The following ARID2 variants were observed in gnomAD, a reference collection of about 807,000 sequenced individuals.
ARID2 encodes AT-rich interaction domain 2, also known as AT-rich interactive domain-containing protein 2.
A neutral mutation model predicts 184.6 loss-of-function variants in ARID2; 32 were observed. The ratio of observed to expected loss-of-function variants is 0.17; its 90% CI spans 0.13 to 0.23. ARID2 has a LOEUF of 0.23. Among genes scored for constraint, ARID2 ranks in the 10% least tolerant of loss-of-function variants. The pLI is 1.00. For missense variants in ARID2, 1,696 were observed against 2,197.6 expected (o/e 0.77, Z 4.56); for synonymous variants, 836 against 772.6 (o/e 1.08, Z -1.36).
rs185701114 is a variant in ARID2, at chr12:45,793,509, A to C, written c.285-17909A>C. On this transcript the variant is annotated intron_variant, in intron 3 of 20. Coordinates refer to ENST00000334344, the MANE Select transcript of ARID2 (RefSeq NM_152641.4). ...TTGAAAGACCTAATTGAAAGACCTTAGAGTACTTTATATATATAACTGCCT... is the reference window on the plus strand; with the variant it reads ...TTGAAAGACCTAATTGAAAGACCTTCGAGTACTTTATATATATAACTGCCT... 1.3e-3 allele frequency among the ~76,000 whole-genome samples: 197 copies of C among 151,948 alleles called. 2 individuals carry two copies. The highest frequency in any genetic ancestry group is 2.4e-3 in the Non-Finnish European group (160 of 67,956).
chr12:45,904,315 TC>T (rs1565646776), intron 20 of ARID2: 2 of 715,910 alleles, frequency 2.8e-6, no homozygotes, highest in African/African-American at 3.5e-5. Flanking sequence ...CCAGCTGTTT[TC>T]TGACACCATT....
At chr12:45,839,537 T>C (rs1347707792) in intron 11 of ARID2, 41 bp downstream of exon 11, 2 of 1,566,098 alleles carry the variant, frequency 1.3e-6, no homozygotes, top group Non-Finnish European at 1.7e-6. Flanking sequence ...TGGTTACGAG[T>C]GTATAAGATT....
At chr12:45,810,529 A>G (rs895647211) in intron 3 of ARID2, among the ~76,000 whole-genome samples, 1 of 152,202 alleles carries the variant, frequency 6.6e-6, no homozygotes, top group African/African-American at 2.4e-5. Flanking sequence ...AATACCCTAA[A>G]TGTATTGCTA....
chr12:45,896,421 G>A (rs979097438), intron 20 of ARID2, among the ~76,000 whole-genome samples: 5 of 152,104 alleles, frequency 3.3e-5, no homozygotes, highest in Non-Finnish European at 5.9e-5. Flanking sequence ...GGAGGGACCC[G>A]GCAGGAAGTA....
chr12:45,792,160 T>C (rs1443282205), intron 3 of ARID2, among the ~76,000 whole-genome samples: 1 of 152,234 alleles, frequency 6.6e-6, no homozygotes, highest in Non-Finnish European at 1.5e-5. Context: ...TTCTTGCTTT[T>C]TAATATTTTT....
chr12:45,730,955 A>G (rs1191608226), intron 2 of ARID2, among the ~76,000 whole-genome samples: 4 of 130,176 alleles, frequency 3.1e-5, no homozygotes, highest in Non-Finnish European at 6.4e-5. Context: ...GCGATTGGTT[A>G]TTGTCCGGGC....
intron 3 of ARID2, among the ~76,000 whole-genome samples, chr12:45,778,401 AT>A (rs1449374783): frequency 1.3e-5 from 2 of 152,120 alleles, no homozygotes; most frequent in Non-Finnish European, 2.9e-5. Context: ...GAATATATAC[AT>A]TTCGTGTAAA....
At chr12:45,799,698 C>G (rs1048366646) in intron 3 of ARID2, among the ~76,000 whole-genome samples, 5 of 151,942 alleles carry the variant, frequency 3.3e-5, no homozygotes, top group Non-Finnish European at 5.9e-5. Context: ...TAAGGCATTG[C>G]AAATGTGTAA....
In ARID2 at chr12:45,852,130, C is replaced by A. The variant is rs2138176276; in HGVS notation, c.4007C>A (p.Ser1336Tyr). Residue 1336 changes from serine to tyrosine, a missense_variant, in exon 15 of 21, where the codon TCT (serine) becomes TAT (tyrosine). Around this residue, in one of 11 missense-constraint regions of ARID2, gnomAD observed 428 missense variants for 409.1 expected, o/e 1.05. Transcript: ENST00000334344. Reference sequence around the variant, plus strand: ...TTGGAATTAGGTGAGAATGGAGCATCTGGGAAACAGAACTCAGAACAAATA... The same window carrying A: ...TTGGAATTAGGTGAGAATGGAGCATATGGGAAACAGAACTCAGAACAAATA... ...PSLELGENGA[S>Y]GKQNSEQIDM... is the part of the protein sequence containing the mutation. 6.2e-7 allele frequency: 1 copy of A among 1,614,108 alleles called. No individual in the cohort carries two copies. The highest frequency in any genetic ancestry group is 8.5e-7 in the Non-Finnish European group (1 of 1,180,006).
Position 45,891,774 on chromosome 12 carries a change from T to G in ARID2, c.4923-6T>G. 6.2e-7 allele frequency: 1 copy of G among 1,611,042 alleles called. No individual in the cohort carries two copies. Among genetic ancestry groups the G allele is most frequent in the Non-Finnish European group, 8.5e-7 (1 of 1,179,246 alleles). On this transcript the variant is annotated splice_region_variant and splice_polypyrimidine_tract_variant and intron_variant, in intron 16 of 20. Coordinates refer to ENST00000334344, the MANE Select transcript of ARID2 (RefSeq NM_152641.4). ...TCCAAGTGTCTACTACTTTTATTTT[T>G]TATAGGTGGTTTCAGACACCCTCAC...
chr12:45,811,663 T>C (rs1384306566), intron 4 of ARID2, 112 bp downstream of exon 4: 1 of 1,089,852 alleles, frequency 9.2e-7, no homozygotes, highest in African/African-American at 1.6e-5. Flanking sequence ...CTTAAGGCCT[T>C]AAGGTAATGC....
intron 16 of ARID2, among the ~76,000 whole-genome samples, chr12:45,890,774 G>A (rs1432905961): frequency 4.6e-5 from 7 of 151,950 alleles, no homozygotes. Flanking sequence ...TGGGATACTA[G>A]ATATTTGTTA....
At chr12:45,888,885 T>G (rs1268366582) in intron 16 of ARID2, among the ~76,000 whole-genome samples, 1 of 152,170 alleles carries the variant, frequency 6.6e-6, no homozygotes, top group Non-Finnish European at 1.5e-5. Context: ...AGGAAGAGTA[T>G]TATTTTAATT....
At chr12:45,827,110 T>G (rs534642740) in intron 6 of ARID2, among the ~76,000 whole-genome samples, 7 of 151,878 alleles carry the variant, frequency 4.6e-5, no homozygotes, top group African/African-American at 1.7e-4. Context: ...ATAAAAAACG[T>G]TTTTTCTTAA....
chr12:45,904,970 A>T lies in ARID2; in HGVS notation c.5400A>T (p.Leu1800=). The change falls in exon 21 of 21, where the codon CTA becomes CTT. Residue 1800 remains leucine (L), a synonymous_variant. Coordinates refer to ENST00000334344, the MANE Select transcript of ARID2 (RefSeq NM_152641.4). ...LKRHENNLSV[L]AISNMEASST... is the part of the protein sequence containing the mutation. The stretch of plus-strand genomic sequence containing the variant: ...GACATGAAAATAACTTATCAGTGCT[A>T]GCCATTAGTAACATGGAAGCTTCCT... 1 of 1,614,008 alleles carries T rather than the reference A, an allele frequency of 6.2e-7. No individual in the cohort carries two copies. Among genetic ancestry groups the T allele is most frequent in the Non-Finnish European group, 8.5e-7 (1 of 1,179,972 alleles).
chr12:45,768,798 A>C (rs1411276083), intron 3 of ARID2, among the ~76,000 whole-genome samples: 1 of 152,154 alleles, frequency 6.6e-6, no homozygotes, highest in African/African-American at 2.4e-5. Context: ...ATTTGTTTTG[A>C]TTGACCTGTG....
In ARID2 at chr12:45,850,657, C is replaced by G. The variant is rs145274890; in HGVS notation, c.2534C>G (p.Thr845Ser). The change falls in exon 15 of 21, where the codon ACT becomes AGT. Residue 845 changes from threonine (T) to serine (S), a missense_variant. Thr to Ser is a moderately conservative substitution (Grantham distance 58, BLOSUM62 1). This residue lies in a region of ARID2 where 713 missense variants were observed against 824.4 expected (regional missense o/e 0.86). Transcript: ENST00000334344. Reference sequence around the variant, plus strand: ...TCAGCTGGTAGCCAGTCACAAGATACTGTTATCATAGCACCCCCACAGTAT... The same window carrying G: ...TCAGCTGGTAGCCAGTCACAAGATAGTGTTATCATAGCACCCCCACAGTAT... Reference protein sequence around the residue: ...QTSAGSQSQDTVIIAPPQYVT... With the variant: ...QTSAGSQSQDSVIIAPPQYVT... 20 of 1,614,032 alleles carry G rather than the reference C, an allele frequency of 1.2e-5. No homozygotes were observed. Among genetic ancestry groups the G allele is most frequent in the Non-Finnish European group, 1.7e-5 (20 of 1,180,004 alleles).
At chr12:45,872,419 T>TTAAA (rs1364112373) in intron 16 of ARID2, among the ~76,000 whole-genome samples, 1 of 152,220 alleles carries the variant, frequency 6.6e-6, no homozygotes, top group African/African-American at 2.4e-5. Flanking sequence ...GATTTCTCTA[T>TTAAA]TAATCTGTTC....
chr12:45,836,327 A>G (rs750587263), intron 6 of ARID2, among the ~76,000 whole-genome samples: 3 of 152,192 alleles, frequency 2.0e-5, no homozygotes, highest in Non-Finnish European at 4.4e-5. Flanking sequence ...CTCCTGCCTC[A>G]GCCTCCCAAG....
Sources: gnomAD v4.1 joint callset for allele counts (sites outside exome capture counted in the v4.1 genomes callset) on GRCh38, gnomAD v4.1.1 for gene constraint, gnomAD v4.1.1 regional missense constraint, MANE v1.5 for transcripts, NCBI Gene and HGNC (gene_info 2026-07-23, HGNC 2026-07-21) for gene names.